Variants in BMPR1B observed in about 807,000 individuals in gnomAD.
BMPR1B encodes bone morphogenetic protein receptor type-1B.
In BMPR1B, 12 loss-of-function variants were observed where a neutral mutation model predicts 59.1. The ratio of observed to expected loss-of-function variants is 0.20; its 90% CI spans 0.13 to 0.33. The LOEUF is 0.33. BMPR1B is among the 10% of genes least tolerant of loss of function. The pLI is 1.00. For synonymous variants in BMPR1B, 237 were observed against 207.3 expected (o/e 1.14, Z -1.23); for missense variants, 550 against 610.9 (o/e 0.90, Z 1.05).
At chr4:94,816,857 T>C (rs1283746078) in intron 1 of BMPR1B, among the ~76,000 whole-genome samples, 1 of 152,170 alleles carries the variant, frequency 6.6e-6, no homozygotes, top group African/African-American at 2.4e-5. Flanking sequence ...TCCTTATATG[T>C]CTGTTTGTGT....
intron 3 of BMPR1B, among the ~76,000 whole-genome samples, chr4:95,006,331 T>A (rs1430631217): frequency 1.4e-5 from 2 of 147,602 alleles, no homozygotes; most frequent in Non-Finnish European, 1.5e-5. Context: ...GATCATGAGA[T>A]CAGGAGTACG....
Position 95,062,574 on chromosome 4 carries a change from A to G in BMPR1B, c.-17-41834A>G, listed in dbSNP as rs552132998. Among the ~76,000 whole-genome samples, 54 of 152,308 alleles carry G rather than the reference A, an allele frequency of 3.5e-4. 2 individuals are homozygous for G. In the South Asian group the frequency reaches 9.9e-3, roughly 28 times the overall value. On this transcript the variant is annotated intron_variant, in intron 3 of 12. Coordinates refer to ENST00000515059, the MANE Select transcript of BMPR1B (RefSeq NM_001203.3). ...TAAAATGTTAATCTAAAGAGATTACATGCAAAATACCCTAACTAGCTATGA... is the reference window on the plus strand; with the variant it reads ...TAAAATGTTAATCTAAAGAGATTACGTGCAAAATACCCTAACTAGCTATGA...
Position 94,800,414 on chromosome 4 carries a change from T to C in BMPR1B, c.-183+42346T>C, listed in dbSNP as rs182108039. Among the ~76,000 whole-genome samples, 26 of 152,156 alleles carry C rather than the reference T, an allele frequency of 1.7e-4. No homozygotes were observed. In the East Asian group the frequency reaches 4.6e-3, roughly 27 times the overall value. ...TAAGAATTATTTAGATATTTACTTA[T>C]GGTAGGAAGCAAAATATTTTAGGGT... is the stretch of plus-strand genomic sequence containing the variant. On this transcript the variant is annotated intron_variant, in intron 1 of 12. Transcript: ENST00000515059.
At chr4:94,851,168 G>A (rs1725553872) in intron 1 of BMPR1B, among the ~76,000 whole-genome samples, 1 of 152,090 alleles carries the variant, frequency 6.6e-6, no homozygotes, top group East Asian at 1.9e-4. Flanking sequence ...AGTAGAGTCT[G>A]CAAATTTCAT....
chr4:95,128,965 A>AT (rs570085695), intron 8 of BMPR1B, among the ~76,000 whole-genome samples: 27 of 146,620 alleles, frequency 1.8e-4, no homozygotes, highest in Non-Finnish European at 2.4e-4. Flanking sequence ...CTCTCCCTCC[A>AT]TTTTTTTTTG....
chr4:94,803,060 G>T (rs902128286), intron 1 of BMPR1B, among the ~76,000 whole-genome samples: 1 of 152,098 alleles, frequency 6.6e-6, no homozygotes, highest in African/African-American at 2.4e-5. Context: ...GCTCATGGTT[G>T]CAAGTGATGA....
At chr4:94,837,386 C>T (rs1245592659) in intron 1 of BMPR1B, among the ~76,000 whole-genome samples, 3 of 140,048 alleles carry the variant, frequency 2.1e-5, no homozygotes, top group Admixed American at 7.0e-5. Flanking sequence ...TTCTTCCTAC[C>T]CATGAGAATG....
intron 3 of BMPR1B, among the ~76,000 whole-genome samples, chr4:95,088,495 C>A (rs1027261130): frequency 6.6e-6 from 1 of 152,052 alleles, no homozygotes; most frequent in South Asian, 2.1e-4. Flanking sequence ...GGGCAAAGAA[C>A]TTTTAGGATA....
At chr4:95,030,388 G>T (rs1471049060) in intron 3 of BMPR1B, among the ~76,000 whole-genome samples, 2 of 152,020 alleles carry the variant, frequency 1.3e-5, no homozygotes, top group Admixed American at 6.6e-5. Context: ...TTTCCCCATT[G>T]CTTGTTTTTC....
intron 10 of BMPR1B, among the ~76,000 whole-genome samples, chr4:95,135,856 C>A (rs560869842): frequency 6.6e-6 from 1 of 152,114 alleles, no homozygotes; most frequent in Non-Finnish European, 1.5e-5. Flanking sequence ...CCCTTTATTT[C>A]TTTCTCCTGC....
At chr4:94,889,925 C>T (rs533281789) in intron 2 of BMPR1B, among the ~76,000 whole-genome samples, 1 of 152,048 alleles carries the variant, frequency 6.6e-6, no homozygotes, top group South Asian at 2.1e-4. Flanking sequence ...ATCATAGTCA[C>T]ATGGCAGGTT....
At chr4:95,044,449 G>T (rs952932434) in intron 3 of BMPR1B, among the ~76,000 whole-genome samples, 15 of 152,122 alleles carry the variant, frequency 9.9e-5, no homozygotes, top group Non-Finnish European at 1.5e-5. Context: ...ACTTAAAGAA[G>T]GTCAGCCCTT....
At chr4:95,131,568 T>C in intron 10 of BMPR1B, 56 bp downstream of exon 10, 1 of 1,587,246 alleles carries the variant, frequency 6.3e-7, no homozygotes, top group Non-Finnish European at 8.6e-7. Context: ...TTACTTTTTA[T>C]TTTGTAGCGC....
chr4:94,962,120 CTTCT>C (rs1359637037), intron 2 of BMPR1B, among the ~76,000 whole-genome samples: 26 of 98,866 alleles, frequency 2.6e-4, no homozygotes, highest in Non-Finnish European at 3.6e-4. Context: ...TCCTTCCTTC[CTTCT>C]TTCCTTCCTT....
intron 7 of BMPR1B, among the ~76,000 whole-genome samples, chr4:95,124,430 T>G (rs1732757869): frequency 6.6e-6 from 1 of 152,092 alleles, no homozygotes; most frequent in Non-Finnish European, 1.5e-5. Context: ...ATTTGCCTTT[T>G]GATTAATTTA....
At chr4:94,878,397 T>G (rs1726820581) in intron 2 of BMPR1B, among the ~76,000 whole-genome samples, 1 of 152,190 alleles carries the variant, frequency 6.6e-6, no homozygotes, top group Non-Finnish European at 1.5e-5. Context: ...AGGACGTTAT[T>G]TTTATAGGCT....
intron 2 of BMPR1B, among the ~76,000 whole-genome samples, chr4:94,935,350 A>C (rs1487535975): frequency 6.6e-6 from 1 of 152,182 alleles, no homozygotes; most frequent in Non-Finnish European, 1.5e-5. Flanking sequence ...AAGTTTTAAT[A>C]TTTTGGTAAT....
chr4:94,802,917 G>A (rs573161298), intron 1 of BMPR1B, among the ~76,000 whole-genome samples: 8 of 152,246 alleles, frequency 5.3e-5, no homozygotes, highest in Admixed American at 5.2e-4. Flanking sequence ...AAGATGGGGA[G>A]GTATGTGGGA....
At chr4:94,939,181 A>G (rs1265124807) in intron 2 of BMPR1B, among the ~76,000 whole-genome samples, 2 of 152,176 alleles carry the variant, frequency 1.3e-5, no homozygotes, top group African/African-American at 4.8e-5. Context: ...GAAACTGATG[A>G]TAGAACCAAG....
Sources: allele counts gnomAD v4.1 joint callset (sites outside exome capture counted in the v4.1 genomes callset), GRCh38; gene constraint gnomAD v4.1.1; transcripts MANE v1.5; gene names NCBI Gene and HGNC (gene_info 2026-07-23, HGNC 2026-07-21).